Variants in GRIK1 observed in about 807,000 individuals in gnomAD.
The protein encoded by GRIK1 is glutamate receptor ionotropic, kainate 1.
A neutral mutation model predicts 105.7 loss-of-function variants in GRIK1; 69 were observed. That is an observed-to-expected ratio of 0.65 (90% CI 0.54 to 0.80). GRIK1 has a LOEUF of 0.80. Among genes scored for constraint, GRIK1 ranks in the 30% least tolerant of loss-of-function variants. The probability of loss-of-function intolerance (pLI) is 0.00; values close to 1 mark genes in which losing one functional copy is unlikely to be tolerated. For synonymous variants in GRIK1, 438 were observed against 431.3 expected, an observed-to-expected ratio of 1.02 and a Z score of -0.19; for missense variants, 1,109 against 1,167.3, an observed-to-expected ratio of 0.95 and a Z score of 0.73.
intron 6 of GRIK1, among the ~76,000 whole-genome samples, chr21:29,648,411 C>T (rs918376922): frequency 1.3e-5 from 2 of 152,148 alleles, no homozygotes; most frequent in African/African-American, 4.8e-5. Flanking sequence ...TCACATATAT[C>T]TTGTTTATAG....
intron 4 of GRIK1, among the ~76,000 whole-genome samples, 173 bp downstream of exon 4, chr21:29,672,810 T>A (rs1014143345): frequency 2.6e-5 from 4 of 152,242 alleles, no homozygotes; most frequent in Non-Finnish European, 5.9e-5. Flanking sequence ...TGAAGCCCCA[T>A]GAACTCTCTG....
At chr21:29,555,854 T>C (rs2090240147) in intron 15 of GRIK1, among the ~76,000 whole-genome samples, 1 of 152,142 alleles carries the variant, frequency 6.6e-6, no homozygotes, top group Non-Finnish European at 1.5e-5. Context: ...AAAAATAAAC[T>C]ATGCTCCAAC....
At chr21:29,759,822 G>A (rs569458784) in intron 1 of GRIK1, among the ~76,000 whole-genome samples, 1 of 152,298 alleles carries the variant, frequency 6.6e-6, no homozygotes, top group East Asian at 1.9e-4. Flanking sequence ...TCCCTGGAAG[G>A]TAGGCAGTGA....
chr21:29,657,438 G>T (rs1386947274), intron 4 of GRIK1: 1 of 152,162 alleles, frequency 6.6e-6, no homozygotes, highest in Non-Finnish European at 1.5e-5. Context: ...TTAGGAAAGA[G>T]ATATTAAAAT....
At chr21:29,640,259 T>C (rs914367032) in intron 7 of GRIK1, among the ~76,000 whole-genome samples, 1 of 152,184 alleles carries the variant, frequency 6.6e-6, no homozygotes, top group Non-Finnish European at 1.5e-5. Context: ...TGTTCAGTTA[T>C]GCACTCATCT....
At chr21:29,673,236 A>G in intron 3 of GRIK1, 72 bp from the exon 4 acceptor site, 3 of 1,055,948 alleles carry the variant, frequency 2.8e-6, no homozygotes, top group Non-Finnish European at 2.8e-6. Context: ...CCATTTAGTT[A>G]AACTCGTTTC....
At position 29,897,755 on chromosome 21, in the gene GRIK1, T is replaced by G. The variant is rs1475444503; in HGVS notation, c.118+41628A>C. Among the ~76,000 whole-genome samples the G allele has an allele frequency of 2.6e-5, 4 of 152,358 alleles. 1 individual carries two copies. Among genetic ancestry groups the G allele is most frequent in the South Asian group, 4.1e-4 (2 of 4,830 alleles). On this transcript the variant is annotated intron_variant, in intron 1 of 17. Transcript: ENST00000327783. The stretch of plus-strand genomic sequence containing the variant: ...CATGGGCAAGTTATTTAATCTCTGA[T>G]TTTTAGAATCTTTAGCTGTAAAGCA...
At chr21:29,590,319 T>C (rs1350198509) in intron 10 of GRIK1, among the ~76,000 whole-genome samples, 1 of 152,174 alleles carries the variant, frequency 6.6e-6, no homozygotes, top group Non-Finnish European at 1.5e-5. Flanking sequence ...CATTATGGAC[T>C]GGTGTAAGGC....
intron 1 of GRIK1, among the ~76,000 whole-genome samples, chr21:29,851,652 T>C (rs1469797937): frequency 6.6e-6 from 1 of 152,164 alleles, no homozygotes; most frequent in East Asian, 1.9e-4. Context: ...ATCTAATAAC[T>C]AACTTCATGA....
chr21:29,939,433 T>C lies in GRIK1; in HGVS notation c.68A>G (p.Tyr23Cys), dbSNP rs1341772500. ...CTGAGGGAGGATATAGCAGAGGAAA[T>C]AGAGGAGTGCCCAGCTGGTGTCCCT... is the stretch of plus-strand genomic sequence containing the variant. Reference protein sequence around the residue: ...WTRDTSWALLYFLCYILPQTA... With the variant: ...WTRDTSWALLCFLCYILPQTA... The change falls in exon 1 of 18, where the codon TAT (tyrosine) becomes TGT (cysteine). Residue 23 changes from tyrosine to cysteine, a missense_variant. By Grantham distance (194) the Tyr-to-Cys change is radical. Coordinates refer to ENST00000327783, the MANE Select transcript of GRIK1 (RefSeq NM_001330994.2). The C allele has an allele frequency of 1.3e-6, 2 of 1,592,258 alleles. No individual in the cohort carries two copies. Among genetic ancestry groups the C allele is most frequent in the Admixed American group, 1.7e-5 (1 of 57,964 alleles).
intron 7 of GRIK1, among the ~76,000 whole-genome samples, chr21:29,620,771 A>ATATATATATAGATATATATATC (rs2061967112): frequency 8.5e-6 from 1 of 117,062 alleles, no homozygotes; most frequent in Non-Finnish European, 1.6e-5. Flanking sequence ...TATGAAAGTC[A>ATATATATATAGATATATATATC]TATATATATA....
At chr21:29,858,023 G>A (rs749059254) in intron 1 of GRIK1, among the ~76,000 whole-genome samples, 3 of 151,990 alleles carry the variant, frequency 2.0e-5, no homozygotes, top group Non-Finnish European at 4.4e-5. Context: ...CCTCAGCCCC[G>A]CCGAGTAGCT....
At chr21:29,566,832 T>C (rs1184399842) in intron 14 of GRIK1, among the ~76,000 whole-genome samples, 1 of 152,208 alleles carries the variant, frequency 6.6e-6, no homozygotes, top group African/African-American at 2.4e-5. Context: ...GAAACCAGGA[T>C]TTGATCCCAG....
chr21:29,600,771 G>A (rs1299574995), intron 7 of GRIK1, among the ~76,000 whole-genome samples: 2 of 152,154 alleles, frequency 1.3e-5, no homozygotes, highest in Non-Finnish European at 2.9e-5. Flanking sequence ...TTTTATAACT[G>A]TCTCTCACTT....
chr21:29,929,620 A>G (rs2071498416), intron 1 of GRIK1, among the ~76,000 whole-genome samples: 1 of 152,196 alleles, frequency 6.6e-6, no homozygotes, highest in East Asian at 1.9e-4. Context: ...CCTCAGTTAG[A>G]ATGGTTAGAA....
intron 4 of GRIK1, among the ~76,000 whole-genome samples, chr21:29,670,774 C>A (rs1223973444): frequency 2.0e-5 from 3 of 152,184 alleles, no homozygotes; most frequent in African/African-American, 7.2e-5. Context: ...TCATTACACC[C>A]TTTAATGAAC....
At chr21:29,899,211 T>C (rs1259855244) in intron 1 of GRIK1, among the ~76,000 whole-genome samples, 1 of 152,220 alleles carries the variant, frequency 6.6e-6, no homozygotes. Flanking sequence ...CCTAAATTTG[T>C]GATTAGGTCT....
At chr21:29,924,845 T>C (rs1346106125) in intron 1 of GRIK1, among the ~76,000 whole-genome samples, 1 of 152,214 alleles carries the variant, frequency 6.6e-6, no homozygotes, top group African/African-American at 2.4e-5. Context: ...TCTTACCTTC[T>C]AATGTTTATG....
At chr21:29,872,146 G>A (rs552161641) in intron 1 of GRIK1, among the ~76,000 whole-genome samples, 1 of 150,958 alleles carries the variant, frequency 6.6e-6, no homozygotes, top group South Asian at 2.1e-4. Flanking sequence ...TGTATACATT[G>A]TGGATTGTCT....
Sources: gnomAD v4.1 joint callset for allele counts (sites outside exome capture counted in the v4.1 genomes callset) on GRCh38, gnomAD v4.1.1 for gene constraint, MANE v1.5 for transcripts, NCBI Gene and HGNC (gene_info 2026-07-23, HGNC 2026-07-21) for gene names.